KAT2B: variants seen among roughly 807,000 people sequenced by gnomAD.
KAT2B encodes the protein lysine acetyltransferase 2B, also known as histone acetyltransferase KAT2B.
Under a neutral mutation model 105.9 loss-of-function variants are expected in KAT2B, and 36 were observed. The observed-to-expected ratio is 0.34, with a 90% CI of 0.26 to 0.45. KAT2B has a LOEUF of 0.45. KAT2B is among the 20% of genes least tolerant of loss of function. The pLI is 1.00. For synonymous variants in KAT2B, 397 were observed against 377.9 expected (o/e 1.05, Z -0.59); for missense variants, 820 against 1,021.6 (o/e 0.80, Z 2.69).
At chr3:20,081,088 T>G (rs978645968) in intron 2 of KAT2B, among the ~76,000 whole-genome samples, 1 of 152,228 alleles carries the variant, frequency 6.6e-6, no homozygotes, top group Non-Finnish European at 1.5e-5. Flanking sequence ...TTAGTCAATT[T>G]GACAGATTTC....
chr3:20,111,713 C>CTTG lies in KAT2B; in HGVS notation c.969_970insTTG (p.Leu324dup). 6.2e-7 allele frequency: 1 copy of CTTG among 1,614,026 alleles called. No individual in the cohort carries two copies. Among genetic ancestry groups the CTTG allele is most frequent in the Non-Finnish European group, 8.5e-7 (1 of 1,179,962 alleles). On this transcript the variant is annotated inframe_insertion, in exon 6 of 18. Coordinates refer to ENST00000263754, the MANE Select transcript of KAT2B (RefSeq NM_003884.5). ...TCTTCACTGTTATGAGGCGACAACT[C>CTTG]CTGGAACAAGCAAGACAGGAAAAAG...
intron 11 of KAT2B, among the ~76,000 whole-genome samples, chr3:20,134,508 AT>A (rs535447343): frequency 3.3e-5 from 5 of 152,192 alleles, no homozygotes; most frequent in Non-Finnish European, 7.3e-5. Context: ...TCCCTGGTTC[AT>A]GCCGTTCTCC....
At chr3:20,094,449 A>G (rs1002257594) in intron 2 of KAT2B, among the ~76,000 whole-genome samples, 6 of 152,176 alleles carry the variant, frequency 3.9e-5, no homozygotes, top group African/African-American at 1.4e-4. Flanking sequence ...GAGCCAAACC[A>G]TATCAGAGCC....
chr3:20,107,015 A>G (rs11287582), intron 5 of KAT2B, among the ~76,000 whole-genome samples: 1 of 26,130 alleles, frequency 3.8e-5, no homozygotes, highest in Non-Finnish European at 6.4e-5. Flanking sequence ...ATATATATAT[A>G]TTTTTTTTTT....
chr3:20,106,116 G>A (rs1333411542), intron 5 of KAT2B, among the ~76,000 whole-genome samples: 2 of 152,186 alleles, frequency 1.3e-5, no homozygotes, highest in Non-Finnish European at 2.9e-5. Flanking sequence ...CAGCAAGTCA[G>A]TAGAATGACA....
At chr3:20,062,207 T>A (rs1559514325) in intron 1 of KAT2B, among the ~76,000 whole-genome samples, 3 of 66,824 alleles carry the variant, frequency 4.5e-5, no homozygotes, top group African/African-American at 5.9e-5. Context: ...ATATTTTATA[T>A]AAAATATATT....
Position 20,146,385 on chromosome 3 carries a change from A to G in KAT2B, c.2074A>G (p.Lys692Glu), listed in dbSNP as rs1402883597. The change falls in exon 14 of 18, where the codon AAA becomes GAA. Residue 692 changes from lysine (K) to glutamate (E), a missense_variant. Around this residue, in one of 6 missense-constraint regions of KAT2B, gnomAD observed 227 missense variants for 292.9 expected, o/e 0.77. Coordinates refer to ENST00000263754, the MANE Select transcript of KAT2B (RefSeq NM_003884.5). ...RKVYPGLSCFKDGVRQIPIES... is the reference protein window; with the variant it reads ...RKVYPGLSCFEDGVRQIPIES... The stretch of plus-strand genomic sequence containing the variant: ...AGTTTACCCTGGACTTTCATGTTTT[A>G]AAGATGGAGTTCGACAGATTCCTAT... The G allele has an allele frequency of 1.2e-6, 2 of 1,613,584 alleles. No individual in the cohort carries two copies. Among genetic ancestry groups the G allele is most frequent in the Non-Finnish European group, 8.5e-7 (1 of 1,179,568 alleles).
chr3:20,095,858 T>C lies in KAT2B; in HGVS notation c.576+450T>C, dbSNP rs147168994. ...CCGAAGAGAAACAAAGTAGGATAAG[T>C]GGAATCAGAATGGCAGGGATGGTGG... is the stretch of plus-strand genomic sequence containing the variant. On this transcript the variant is annotated intron_variant, in intron 3 of 17. Coordinates refer to ENST00000263754, the MANE Select transcript of KAT2B (RefSeq NM_003884.5). Among the ~76,000 whole-genome samples the C allele has an allele frequency of 6.7e-4, 102 of 152,120 alleles. 2 individuals carry two copies. In the Middle Eastern group the frequency reaches 0.01, roughly 15 times the overall value.
intron 1 of KAT2B, among the ~76,000 whole-genome samples, chr3:20,046,572 A>T (rs1426975965): frequency 6.6e-6 from 1 of 152,148 alleles, no homozygotes; most frequent in African/African-American, 2.4e-5. Flanking sequence ...CAAAATAATA[A>T]TAATAATGAT....
Position 20,119,686 on chromosome 3 carries a change from T to G in KAT2B, c.1239T>G (p.Pro413=), listed in dbSNP as rs1422629485. The change falls in exon 8 of 18, where the codon CCT becomes CCG. Residue 413 remains proline, a synonymous_variant. Transcript: ENST00000263754. ...LEQPNAGSSS[P]ACKASSGLEA... is the part of the protein sequence containing the mutation. ...AGCCAAACGCAGGGAGCAGCAGTCC[T>G]GCCTGCAAAGCCTCTTCTGGACTTG... 6.2e-7 allele frequency: 1 copy of G among 1,614,132 alleles called. No individual in the cohort carries two copies. The highest frequency in any genetic ancestry group is 8.5e-7 in the Non-Finnish European group (1 of 1,179,994).
chr3:20,137,435 C>T (rs1295734882), intron 12 of KAT2B: 2 of 164,252 alleles, frequency 1.2e-5, no homozygotes, highest in Non-Finnish European at 1.3e-5. Flanking sequence ...AAAGGAAATC[C>T]TGGAGTTTAT....
intron 11 of KAT2B, 82 bp downstream of exon 11, chr3:20,127,631 C>T: frequency 3.0e-6 from 4 of 1,333,156 alleles, no homozygotes; most frequent in Non-Finnish European, 3.2e-6. Flanking sequence ...GAAGATCTCT[C>T]TGTGCCATGT....
intron 1 of KAT2B, among the ~76,000 whole-genome samples, chr3:20,069,285 G>T (rs1698276956): frequency 6.6e-6 from 1 of 152,142 alleles, no homozygotes; most frequent in African/African-American, 2.4e-5. Flanking sequence ...GCTAGGGACA[G>T]CAGATTGTGG....
intron 11 of KAT2B, among the ~76,000 whole-genome samples, chr3:20,133,855 C>T (rs970226920): frequency 3.9e-5 from 6 of 152,080 alleles, no homozygotes; most frequent in Admixed American, 2.6e-4. Flanking sequence ...TATGGTAGAG[C>T]GCTCTGATCA....
Position 20,152,666 on chromosome 3 carries a change from ACCTCCT to A in KAT2B, c.*142_*147del. 1.8e-6 allele frequency: 1 copy of A among 554,500 alleles called. No individual in the cohort carries two copies. The highest frequency in any genetic ancestry group is 3.4e-5 in the South Asian group (1 of 29,758). The allele number at this position is 554,500 out of a possible 1,614,324, so 34.3% of individuals were successfully genotyped here. On this transcript the variant is annotated 3_prime_UTR_variant, in exon 18 of 18. Transcript: ENST00000263754. ...ATTAGCACTTTTGAAAAAACAAAAA[ACCTCCT>A]TTTAGCTTTTCAGATATGTATTTAA...
At chr3:20,098,793 TGAAAG>T (rs2125197207) in intron 3 of KAT2B, among the ~76,000 whole-genome samples, 1 of 152,340 alleles carries the variant, frequency 6.6e-6, no homozygotes, top group South Asian at 2.1e-4. Flanking sequence ...GCATAATACT[TGAAAG>T]GATGAACAGA....
intron 10 of KAT2B, 83 bp from the exon 11 acceptor site, chr3:20,127,340 T>A (rs964590629): frequency 6.2e-5 from 75 of 1,202,082 alleles, no homozygotes; most frequent in Middle Eastern, 2.4e-4. Context: ...CCCTCTTTCT[T>A]AGTTGGTTAA....
At chr3:20,080,132 G>A (rs1052750011) in intron 2 of KAT2B, among the ~76,000 whole-genome samples, 4 of 152,122 alleles carry the variant, frequency 2.6e-5, no homozygotes, top group African/African-American at 9.7e-5. Context: ...GATACAATGT[G>A]ATCCCATTCT....
chr3:20,106,448 C>A (rs2125160824), intron 5 of KAT2B, among the ~76,000 whole-genome samples: 2 of 147,482 alleles, frequency 1.4e-5, no homozygotes, highest in Middle Eastern at 7.1e-3. Context: ...TACACACACA[C>A]ACACACACAC....
Sources: gnomAD v4.1 joint callset for allele counts (sites outside exome capture counted in the v4.1 genomes callset) on GRCh38, gnomAD v4.1.1 for gene constraint, gnomAD v4.1.1 regional missense constraint, MANE v1.5 for transcripts, NCBI Gene and HGNC (gene_info 2026-07-23, HGNC 2026-07-21) for gene names.